BRSK2: variants seen among roughly 807,000 people sequenced by gnomAD.
BRSK2 encodes the protein serine/threonine-protein kinase BRSK2.
BRSK2 carries 19 observed loss-of-function variants against 83.3 expected under a neutral mutation model. The observed-to-expected ratio is 0.23, with a 90% CI of 0.16 to 0.33. BRSK2 has a LOEUF of 0.33. BRSK2 is among the 10% of genes least tolerant of loss of function. BRSK2 has a pLI of 1.00. For missense variants in BRSK2, 798 were observed against 1,042.3 expected (o/e 0.77, Z 3.23); for synonymous variants, 519 against 435.4 (o/e 1.19, Z -2.39).
intron 1 of BRSK2, among the ~76,000 whole-genome samples, chr11:1,402,139 G>C (rs543301135): frequency 2.5e-3 from 378 of 152,320 alleles, no homozygotes; most frequent in African/African-American, 8.9e-3. Context: ...TGTGGGTGCC[G>C]GAGAGCAGGC....
At chr11:1,446,422 G>T (rs1252944534) in intron 12 of BRSK2, among the ~76,000 whole-genome samples, 1 of 150,476 alleles carries the variant, frequency 6.6e-6, no homozygotes, top group Non-Finnish European at 1.5e-5. Flanking sequence ...GCCGAGCCAG[G>T]CTGGGCAGGG....
At chr11:1,407,937 G>A (rs914043980) in intron 1 of BRSK2, among the ~76,000 whole-genome samples, 15 of 152,264 alleles carry the variant, frequency 9.9e-5, no homozygotes, top group Admixed American at 7.2e-4. Context: ...AGGCCGCCTG[G>A]GTCTCCTGCC....
intron 1 of BRSK2, among the ~76,000 whole-genome samples, chr11:1,401,293 A>G (rs1846461443): frequency 2.0e-5 from 3 of 152,198 alleles, no homozygotes; most frequent in African/African-American, 4.8e-5. Flanking sequence ...GCGGGTCTGT[A>G]TTTTGGGATT....
chr11:1,457,575 T>G (rs1846760604), intron 18 of BRSK2, among the ~76,000 whole-genome samples: 1 of 151,788 alleles, frequency 6.6e-6, no homozygotes, highest in South Asian at 2.1e-4. Flanking sequence ...AGCAAGGGGG[T>G]GTGGGTGTGC....
At chr11:1,441,110 G>C (rs1851180378) in intron 4 of BRSK2, among the ~76,000 whole-genome samples, 182 bp downstream of exon 4, 1 of 114,278 alleles carries the variant, frequency 8.8e-6, no homozygotes, top group Non-Finnish European at 1.7e-5. Flanking sequence ...TGCCCCTCAA[G>C]TGCACTGTCC....
At chr11:1,452,930 G>A (rs1845984569) in intron 15 of BRSK2, among the ~76,000 whole-genome samples, 1 of 152,238 alleles carries the variant, frequency 6.6e-6, no homozygotes, top group African/African-American at 2.4e-5. Flanking sequence ...GCACCCCAGA[G>A]GAACAGCACC....
intron 1 of BRSK2, among the ~76,000 whole-genome samples, chr11:1,412,646 G>C (rs559105066): frequency 6.6e-6 from 1 of 152,196 alleles, no homozygotes. Flanking sequence ...GTGGTGGGAG[G>C]GGCCCAGCAG....
In BRSK2 at chr11:1,444,950, CCT is replaced by C. The variant is rs748855848; in HGVS notation, c.781-20_781-19del. 99 of 1,611,090 alleles carry C rather than the reference CCT, an allele frequency of 6.1e-5. No individual in the cohort carries two copies. The highest frequency in any genetic ancestry group is 8.0e-5 in the Non-Finnish European group (94 of 1,177,578). On this transcript the variant is annotated intron_variant, in intron 8 of 19. Transcript: ENST00000528841. ...TTCCGTCCCTCGTCCGTACTAACTC[CCT>C]GTTTCTCTTTCCTTGTAGCTAGAGC...
At chr11:1,435,283 G>A (rs530740753) in intron 1 of BRSK2, among the ~76,000 whole-genome samples, 736 of 15,644 alleles carry the variant, frequency 0.047, 48 homozygotes, top group Non-Finnish European at 0.068. Flanking sequence ...GTGCCGGTGG[G>A]GGTCTCGGCG....
intron 1 of BRSK2, among the ~76,000 whole-genome samples, chr11:1,412,692 A>C (rs1312300639): frequency 6.6e-6 from 1 of 152,210 alleles, no homozygotes; most frequent in African/African-American, 2.4e-5. Context: ...TTACTGAGCC[A>C]GGGACAGTGG....
rs565170479 is a variant in BRSK2 at position 1,392,744 on chromosome 11, T to G, written c.91+2369T>G. Among the ~76,000 whole-genome samples, 113 of 152,314 alleles carry G rather than the reference T, an allele frequency of 7.4e-4. 1 individual carries two copies. The highest frequency in any genetic ancestry group is 2.6e-3 in the African/African-American group (107 of 41,584). ...ACGCCGCAGGGTCCGGTCGGCTGTC[T>G]TCTTCTGCCTTTCAGCGTGAGCGCT... On this transcript the variant is annotated intron_variant, in intron 1 of 19. Transcript: ENST00000528841.
chr11:1,443,592 T>G lies in BRSK2; in HGVS notation c.737T>G (p.Leu246Arg). 6.2e-7 allele frequency: 1 copy of G among 1,609,610 alleles called. No individual in the cohort carries two copies. The highest frequency in any genetic ancestry group is 8.5e-7 in the Non-Finnish European group (1 of 1,178,288). Residue 246 changes from leucine to arginine, a missense_variant, in exon 8 of 20, where the codon CTG becomes CGG. Physicochemically the swap from Leu to Arg is moderately radical, Grantham distance 102. This residue lies in a region of BRSK2 where 145 missense variants were observed against 225.4 expected (regional missense o/e 0.64). Coordinates refer to ENST00000528841, the MANE Select transcript of BRSK2 (RefSeq NM_001256627.2). ...TTTATCCCGCCCGACTGCCAGAGTC[T>G]GCTACGGGGCATGATCGAGGTGGAC... ...PHFIPPDCQS[L>R]LRGMIEVDAA...
At chr11:1,398,345 C>T (rs1261789386) in intron 1 of BRSK2, among the ~76,000 whole-genome samples, 1 of 152,166 alleles carries the variant, frequency 6.6e-6, no homozygotes, top group East Asian at 1.9e-4. Flanking sequence ...TGATTGGCTG[C>T]TTCCCTGGGC....
At chr11:1,447,955 C>T (rs1045670397) in intron 12 of BRSK2, 19 of 1,269,880 alleles carry the variant, frequency 1.5e-5, no homozygotes, top group Non-Finnish European at 2.0e-5. Flanking sequence ...GGTCTGGTGG[C>T]GGGCTGGGCT....
intron 8 of BRSK2, among the ~76,000 whole-genome samples, chr11:1,443,913 GGT>G (rs1018341608): frequency 6.6e-6 from 1 of 152,114 alleles, no homozygotes; most frequent in African/African-American, 2.4e-5. Flanking sequence ...CTCGTGTTCA[GGT>G]GTGTGGGTGC....
At chr11:1,398,789 C>T (rs1265135523) in intron 1 of BRSK2, among the ~76,000 whole-genome samples, 2 of 152,108 alleles carry the variant, frequency 1.3e-5, no homozygotes, top group East Asian at 3.9e-4. Flanking sequence ...TCCCCGCACT[C>T]AAGCTTCCCT....
At chr11:1,414,599 A>AT (rs1179195364) in intron 1 of BRSK2, among the ~76,000 whole-genome samples, 4 of 152,206 alleles carry the variant, frequency 2.6e-5, no homozygotes, top group East Asian at 1.9e-4. Flanking sequence ...AGTAGACTGA[A>AT]TTTTTTTAAT....
rs964350688 is a variant in BRSK2 at position 1,450,524 on chromosome 11, G to A, written c.1288-63G>A. 2.9e-5 allele frequency: 23 copies of A among 801,802 alleles called. No homozygotes were observed. In the Admixed American group the frequency reaches 6.8e-4, roughly 24 times the overall value. The allele number at this position is 801,802 out of a possible 1,614,324, so 49.7% of individuals were successfully genotyped here. A position where few individuals can be genotyped will look rare whatever the true frequency, so the allele number is the denominator to read the frequency against. On this transcript the variant is annotated intron_variant, in intron 13 of 19. Coordinates refer to ENST00000528841, the MANE Select transcript of BRSK2 (RefSeq NM_001256627.2). ...ACCCCTGGGCCCGCCTGCCCTGCGGGTGCCCCCCCGGCCCCCACCCGCCGG... is the reference window on the plus strand; with the variant it reads ...ACCCCTGGGCCCGCCTGCCCTGCGGATGCCCCCCCGGCCCCCACCCGCCGG...
intron 16 of BRSK2, among the ~76,000 whole-genome samples, chr11:1,456,139 T>C (rs1846503270): frequency 6.6e-6 from 1 of 152,062 alleles, no homozygotes; most frequent in Admixed American, 6.5e-5. Context: ...GCCCGCTAAG[T>C]GGACCAAAGC....
Sources: gnomAD v4.1 joint callset for allele counts (sites outside exome capture counted in the v4.1 genomes callset) on GRCh38, gnomAD v4.1.1 for gene constraint, gnomAD v4.1.1 regional missense constraint, MANE v1.5 for transcripts, NCBI Gene and HGNC (gene_info 2026-07-23, HGNC 2026-07-21) for gene names.